Variants in PRRX1 observed in about 807,000 individuals in gnomAD.
The protein encoded by PRRX1 is paired related homeobox 1, also known as paired mesoderm homeobox protein 1.
A neutral mutation model predicts 24.0 loss-of-function variants in PRRX1; 8 were observed. The observed-to-expected ratio is 0.33, with a 90% CI of 0.20 to 0.60. PRRX1 has a LOEUF of 0.60. Ranked by LOEUF, PRRX1 falls within the 20% of genes least tolerant of loss-of-function variation. PRRX1 has a pLI of 0.82. For synonymous variants in PRRX1, 160 were observed against 131.7 expected, an observed-to-expected ratio of 1.22 and a Z score of -1.47; for missense variants, 281 against 322.4, an observed-to-expected ratio of 0.87 and a Z score of 0.98.
intron 1 of PRRX1, among the ~76,000 whole-genome samples, chr1:170,707,662 A>G (rs1654611401): frequency 6.6e-6 from 1 of 152,332 alleles, no homozygotes; most frequent in South Asian, 2.1e-4. Context: ...AATTAACCAC[A>G]TAATTATACC....
chr1:170,728,138 A>G (rs1655315271), intron 3 of PRRX1: 1 of 152,176 alleles, frequency 6.6e-6, no homozygotes, highest in Admixed American at 6.5e-5. Flanking sequence ...AACAATCCAG[A>G]TGGCTGCCAC....
chr1:170,714,092 T>A (rs754749306), intron 1 of PRRX1, among the ~76,000 whole-genome samples: 7 of 152,236 alleles, frequency 4.6e-5, no homozygotes, highest in African/African-American at 1.7e-4. Context: ...AAGTGACCCA[T>A]GTGCCATTTA....
chr1:170,736,273 G>A lies in PRRX1; in HGVS notation c.*87G>A, dbSNP rs1655599990. On this transcript the variant is annotated 3_prime_UTR_variant, in exon 4 of 4. Transcript: ENST00000239461. ...TCTGTTATTTCTTCATCTGCTGGGG[G>A]GAAAAAGTAAATTACAAACAAACAA... 6.5e-7 allele frequency: 1 copy of A among 1,535,134 alleles called. No individual in the cohort carries two copies.
chr1:170,683,090 C>A (rs1335659174), intron 1 of PRRX1, among the ~76,000 whole-genome samples: 1 of 152,142 alleles, frequency 6.6e-6, no homozygotes, highest in East Asian at 1.9e-4. Context: ...AGGAACTGGG[C>A]TTATATTCAA....
intron 1 of PRRX1, among the ~76,000 whole-genome samples, chr1:170,677,014 C>A (rs1346731634): frequency 6.6e-6 from 1 of 152,042 alleles, no homozygotes; most frequent in East Asian, 1.9e-4. Flanking sequence ...AGTTGTCATA[C>A]TATAAGGGAG....
intron 3 of PRRX1, among the ~76,000 whole-genome samples, chr1:170,729,183 C>T (rs1463787819): frequency 6.6e-6 from 1 of 152,158 alleles, no homozygotes; most frequent in Non-Finnish European, 1.5e-5. Flanking sequence ...CAAATTAAAC[C>T]TTGCATTGTA....
At chr1:170,665,810 G>A (rs1275982331) in intron 1 of PRRX1, among the ~76,000 whole-genome samples, 1 of 152,230 alleles carries the variant, frequency 6.6e-6, no homozygotes, top group Admixed American at 6.5e-5. Context: ...GCCCCTGGGT[G>A]TTTTTAGCCA....
At chr1:170,670,242 C>A (rs1242590424) in intron 1 of PRRX1, among the ~76,000 whole-genome samples, 1 of 152,036 alleles carries the variant, frequency 6.6e-6, no homozygotes, top group Non-Finnish European at 1.5e-5. Context: ...CCTTTAACTC[C>A]GTTTACAGCA....
intron 1 of PRRX1, among the ~76,000 whole-genome samples, chr1:170,697,366 T>A (rs1571329652): frequency 6.6e-6 from 1 of 152,178 alleles, no homozygotes; most frequent in African/African-American, 2.4e-5. Flanking sequence ...AAATACATAA[T>A]CTTCCAAGTG....
At chr1:170,720,913 C>G (rs986555564) in intron 2 of PRRX1, among the ~76,000 whole-genome samples, 4 of 152,190 alleles carry the variant, frequency 2.6e-5, no homozygotes, top group Non-Finnish European at 5.9e-5. Flanking sequence ...TACTGGAGCC[C>G]TTATATGCCA....
chr1:170,696,246 C>T (rs1654164607), intron 1 of PRRX1, among the ~76,000 whole-genome samples: 1 of 151,558 alleles, frequency 6.6e-6, no homozygotes, highest in East Asian at 1.9e-4. Flanking sequence ...TATCCCCACA[C>T]TGCAAGAATA....
chr1:170,686,179 C>CAA (rs397754426), intron 1 of PRRX1, among the ~76,000 whole-genome samples: 7,338 of 105,074 alleles, frequency 0.07, 324 homozygotes, highest in Middle Eastern at 0.12. Context: ...GTTAAGGGTA[C>CAA]AAAAAAAAAA....
chr1:170,737,757 C>T lies in PRRX1; in HGVS notation c.*1571C>T, dbSNP rs888229007. On this transcript the variant is annotated 3_prime_UTR_variant, in exon 4 of 4. Coordinates refer to ENST00000239461, the MANE Select transcript of PRRX1 (RefSeq NM_022716.4). ...CAGGTGGACTTGACCAACTACATTACCATGCTGTGCCTCAGTTTACCCATT... is the reference window on the plus strand; with the variant it reads ...CAGGTGGACTTGACCAACTACATTATCATGCTGTGCCTCAGTTTACCCATT... The T allele has an allele frequency of 3.6e-5, 8 of 220,900 alleles. No homozygotes were observed. The highest frequency in any genetic ancestry group is 7.3e-5 in the Non-Finnish European group (8 of 110,010). 13.7% of individuals were successfully genotyped at this position (220,900 alleles called of 1,614,324 possible). A position where few individuals can be genotyped will look rare whatever the true frequency, so the allele number is the denominator to read the frequency against.
At chr1:170,664,880 G>A (rs1310609685) in intron 1 of PRRX1, among the ~76,000 whole-genome samples, 2 of 152,226 alleles carry the variant, frequency 1.3e-5, no homozygotes, top group African/African-American at 4.8e-5. Flanking sequence ...ATGCTGAGTC[G>A]GGTTGGAAGG....
rs537050944 is a variant in PRRX1 at position 170,697,759 on chromosome 1, G to T, written c.242-21967G>T. ...ATATATAAATATATATACATATATAGATATATAAATATATACATATAAAGA... is the reference window on the plus strand; with the variant it reads ...ATATATAAATATATATACATATATATATATATAAATATATACATATAAAGA... On this transcript the variant is annotated intron_variant, in intron 1 of 3. Transcript: ENST00000239461. Among the ~76,000 whole-genome samples the T allele has an allele frequency of 2.2e-4, 32 of 144,318 alleles. No individual in the cohort carries two copies. The East Asian group carries it at 5.2e-3, about 23-fold the overall frequency. The allele number at this position is 144,318 out of a possible 152,430, so 94.7% of individuals were successfully genotyped here. A position where few individuals can be genotyped will look rare whatever the true frequency, so the allele number is the denominator to read the frequency against.
chr1:170,721,790 C>T (rs1359904109), intron 2 of PRRX1, among the ~76,000 whole-genome samples: 1 of 152,174 alleles, frequency 6.6e-6, no homozygotes, highest in African/African-American at 2.4e-5. Context: ...CCGCAAATCT[C>T]TAACTCTGCT....
At chr1:170,706,962 C>T (rs1330217465) in intron 1 of PRRX1, among the ~76,000 whole-genome samples, 1 of 151,458 alleles carries the variant, frequency 6.6e-6, no homozygotes. Context: ...GACCCCAAAC[C>T]TAGCAAAAAA....
chr1:170,667,460 C>T (rs996746114), intron 1 of PRRX1: 5 of 152,210 alleles, frequency 3.3e-5, no homozygotes, highest in African/African-American at 1.2e-4. Flanking sequence ...CCTGACGAGT[C>T]TTATGGTAGC....
At chr1:170,723,377 A>G (rs536943903) in intron 2 of PRRX1, among the ~76,000 whole-genome samples, 1 of 148,832 alleles carries the variant, frequency 6.7e-6, no homozygotes, top group African/African-American at 2.6e-5. Flanking sequence ...AATTGCACTT[A>G]AAATACTTGT....
Sources: allele counts gnomAD v4.1 joint callset (sites outside exome capture counted in the v4.1 genomes callset), GRCh38; gene constraint gnomAD v4.1.1; transcripts MANE v1.5; gene names NCBI Gene and HGNC (gene_info 2026-07-23, HGNC 2026-07-21).